The following ARHGAP5 variants were observed in gnomAD, a reference collection of about 807,000 sequenced individuals.
The protein encoded by ARHGAP5 is rho GTPase-activating protein 5.
In ARHGAP5, 23 loss-of-function variants were observed where a neutral mutation model predicts 116.6. The observed-to-expected ratio is 0.20, with a 90% confidence interval of 0.14 to 0.28. The LOEUF (loss-of-function observed/expected upper bound fraction) is 0.28. ARHGAP5 is among the 10% of genes least tolerant of loss of function. ARHGAP5 has a pLI of 1.00. For missense variants in ARHGAP5, 1,405 were observed against 1,774.8 expected, an observed-to-expected ratio of 0.79 and a Z score of 3.74; for synonymous variants, 574 against 602.0, an observed-to-expected ratio of 0.95 and a Z score of 0.68.
chr14:32,130,261 G>C (rs953188644), intron 3 of ARHGAP5, among the ~76,000 whole-genome samples: 1 of 147,538 alleles, frequency 6.8e-6, no homozygotes, highest in Non-Finnish European at 1.5e-5. Flanking sequence ...CCCCAGGCTG[G>C]AGTGTAGTGG....
rs143497372 is a variant in ARHGAP5 at position 32,090,918 on chromosome 14, A to C, written c.249A>C (p.Glu83Asp). 2 of 1,613,562 alleles carry C rather than the reference A, an allele frequency of 1.2e-6. No individual in the cohort carries two copies. The highest frequency in any genetic ancestry group is 2.7e-5 in the African/African-American group (2 of 74,904). The change falls in exon 2 of 7, where the codon GAA becomes GAC. Residue 83 changes from glutamate to aspartate, a missense_variant. Glu to Asp is a conservative substitution (Grantham distance 45, BLOSUM62 2). Around this residue, in one of 6 missense-constraint regions of ARHGAP5, gnomAD observed 190 missense variants for 314.9 expected, o/e 0.60. Transcript: ENST00000345122. Reference protein sequence around the residue: ...LYWGDIIQNSEDGVECKIHVI... With the variant: ...LYWGDIIQNSDDGVECKIHVI... ...GGGGTGACATAATACAAAATAGTGAAGATGGAGTAGAATGCAAAATTCATG... is the reference window on the plus strand; with the variant it reads ...GGGGTGACATAATACAAAATAGTGACGATGGAGTAGAATGCAAAATTCATG...
chr14:32,111,744 CTT>C (rs1879311049), intron 2 of ARHGAP5, among the ~76,000 whole-genome samples: 1 of 150,500 alleles, frequency 6.6e-6, no homozygotes, highest in Admixed American at 6.6e-5. Flanking sequence ...TATATTGAAT[CTT>C]TTATTTGCTA....
chr14:32,143,353 C>T (rs1192729869), intron 3 of ARHGAP5, among the ~76,000 whole-genome samples: 1 of 152,062 alleles, frequency 6.6e-6, no homozygotes, highest in Non-Finnish European at 1.5e-5. Flanking sequence ...AGCAATTCTT[C>T]TGCCTCAGCT....
At chr14:32,130,971 G>A (rs1171386924) in intron 3 of ARHGAP5, among the ~76,000 whole-genome samples, 1 of 152,202 alleles carries the variant, frequency 6.6e-6, no homozygotes, top group Non-Finnish European at 1.5e-5. Flanking sequence ...TTGGGAGGCT[G>A]GTGGGAGGTG....
chr14:32,115,234 G>A (rs1594365254), intron 2 of ARHGAP5, among the ~76,000 whole-genome samples: 2 of 152,164 alleles, frequency 1.3e-5, no homozygotes, highest in South Asian at 2.1e-4. Flanking sequence ...TTTTTGAGAT[G>A]TTCATTCTTT....
intron 3 of ARHGAP5, among the ~76,000 whole-genome samples, chr14:32,122,713 TG>T (rs1879949250): frequency 6.6e-6 from 1 of 152,204 alleles, no homozygotes; most frequent in Non-Finnish European, 1.5e-5. Flanking sequence ...GGTTCCAGCT[TG>T]ATTCTTTTGC....
At chr14:32,110,356 G>T (rs1879230188) in intron 2 of ARHGAP5, among the ~76,000 whole-genome samples, 1 of 151,550 alleles carries the variant, frequency 6.6e-6, no homozygotes, top group African/African-American at 2.4e-5. Context: ...ATGGGATCTT[G>T]CTGTGTTGCC....
intron 1 of ARHGAP5, among the ~76,000 whole-genome samples, chr14:32,081,952 G>A (rs903110569): frequency 2.0e-5 from 3 of 152,134 alleles, no homozygotes; most frequent in Non-Finnish European, 2.9e-5. Flanking sequence ...GTTTTTTCAC[G>A]GAACCGGGGG....
At chr14:32,133,649 C>G (rs957689350) in intron 3 of ARHGAP5, among the ~76,000 whole-genome samples, 4 of 152,154 alleles carry the variant, frequency 2.6e-5, no homozygotes, top group African/African-American at 9.7e-5. Flanking sequence ...GAGGGCATCC[C>G]TGTCTTGTGC....
chr14:32,080,238 C>G (rs1458400658), intron 1 of ARHGAP5, among the ~76,000 whole-genome samples: 1 of 151,160 alleles, frequency 6.6e-6, no homozygotes, highest in Non-Finnish European at 1.5e-5. Context: ...GACAACCCAC[C>G]CTCCCAAACC....
chr14:32,143,236 G>GTTATTATTATTATTATTATTATTA (rs765079635), intron 3 of ARHGAP5, among the ~76,000 whole-genome samples: 1 of 143,566 alleles, frequency 7.0e-6, no homozygotes, highest in African/African-American at 2.8e-5. Context: ...TGTTGTTGTT[G>GTTATTATTATTATTATTATTATTA]TTGTTATTAT....
Position 32,154,646 on chromosome 14 carries a change from C to T in ARHGAP5, c.4207C>T (p.Leu1403=), listed in dbSNP as rs772509907. The T allele has an allele frequency of 5.0e-6, 8 of 1,610,550 alleles. No individual in the cohort carries two copies. The highest frequency in any genetic ancestry group is 1.3e-5 in the African/African-American group (1 of 74,906). The change falls in exon 7 of 7, where the codon CTA becomes TTA. Residue 1403 remains leucine, a synonymous_variant. Transcript: ENST00000345122. ...GGTTAGTCAGCAACATAAAATCAAC[C>T]TAATGACAGCAGACAACTTATCCAT... ...NRVSQQHKIN[L]MTADNLSICF...
At chr14:32,133,220 A>G (rs1345411421) in intron 3 of ARHGAP5, among the ~76,000 whole-genome samples, 1 of 152,336 alleles carries the variant, frequency 6.6e-6, no homozygotes, top group East Asian at 1.9e-4. Flanking sequence ...ACCCATGAGC[A>G]TGGAATGTTC....
chr14:32,100,512 T>TA (rs1878743919), intron 2 of ARHGAP5, among the ~76,000 whole-genome samples: 1 of 152,136 alleles, frequency 6.6e-6, no homozygotes, highest in Non-Finnish European at 1.5e-5. Context: ...AATACAAATT[T>TA]AAAAAACAGC....
chr14:32,154,970 G>A lies in ARHGAP5; in HGVS notation c.*22G>A, dbSNP rs891175036. ...ATGAGTAGGAAGTGATTGCAAACAG[G>A]CTGGATTTGGACAAAAAGCAAATCT... is the stretch of plus-strand genomic sequence containing the variant. On this transcript the variant is annotated 3_prime_UTR_variant, in exon 7 of 7. Coordinates refer to ENST00000345122, the MANE Select transcript of ARHGAP5 (RefSeq NM_001030055.2). 1 of 1,594,566 alleles carries A rather than the reference G, an allele frequency of 6.3e-7. No individual in the cohort carries two copies. The highest frequency in any genetic ancestry group is 1.3e-5 in the African/African-American group (1 of 74,328).
In ARHGAP5 at chr14:32,092,639, G is replaced by C. The variant is rs1263369976; in HGVS notation, c.1970G>C (p.Gly657Ala). ...QLWTAAFKPH[G>A]CFCVFNSIES... Reference sequence around the variant, plus strand: ...TGGACTGCCGCCTTTAAACCACATGGGTGCTTCTGTGTATTTAATTCCATT... The same window carrying C: ...TGGACTGCCGCCTTTAAACCACATGCGTGCTTCTGTGTATTTAATTCCATT... Residue 657 changes from glycine to alanine, a missense_variant, in exon 2 of 7, where the codon GGG becomes GCG. Gly to Ala is a moderately conservative substitution (Grantham distance 60). Coordinates refer to ENST00000345122, the MANE Select transcript of ARHGAP5 (RefSeq NM_001030055.2). The surrounding 1 kb of genome is among the most constrained non-coding windows in gnomAD (Gnocchi z 4.1). The C allele has an allele frequency of 2.5e-6, 4 of 1,613,698 alleles. No homozygotes were observed. The highest frequency in any genetic ancestry group is 3.4e-6 in the Non-Finnish European group (4 of 1,179,872).
At chr14:32,131,405 A>G (rs760235357) in intron 3 of ARHGAP5, among the ~76,000 whole-genome samples, 5 of 152,154 alleles carry the variant, frequency 3.3e-5, no homozygotes, top group Admixed American at 1.3e-4. Flanking sequence ...TTTGAAATAT[A>G]CATTTCAGTA....
intron 3 of ARHGAP5, among the ~76,000 whole-genome samples, chr14:32,125,265 G>A (rs766639870): frequency 6.6e-6 from 1 of 152,100 alleles, no homozygotes; most frequent in Non-Finnish European, 1.5e-5. Context: ...ATCACACAAT[G>A]TATGACCTTT....
Position 32,092,122 on chromosome 14 carries a change from A to C in ARHGAP5, c.1453A>C (p.Lys485Gln). ...YGRHQREIVE[K>Q]AKEEFQEMLF... ...TAGGCATCAGCGAGAAATAGTTGAA[A>C]AAGCCAAAGAAGAGTTTCAAGAAAT... Residue 485 changes from lysine (K) to glutamine (Q), a missense_variant, in exon 2 of 7, where the codon AAA (lysine) becomes CAA (glutamine). Transcript: ENST00000345122. The surrounding 1 kb of genome is among the most constrained non-coding windows in gnomAD (Gnocchi z 4.1). 1 of 1,613,918 alleles carries C rather than the reference A, an allele frequency of 6.2e-7. No individual in the cohort carries two copies. Among genetic ancestry groups the C allele is most frequent in the Middle Eastern group, 1.6e-4 (1 of 6,062 alleles).
Sources: gnomAD v4.1 joint callset for allele counts (sites outside exome capture counted in the v4.1 genomes callset) on GRCh38, gnomAD v4.1.1 for gene constraint, gnomAD v4.1.1 regional missense constraint, Gnocchi (gnomAD v3.1) non-coding constraint, MANE v1.5 for transcripts, NCBI Gene and HGNC (gene_info 2026-07-23, HGNC 2026-07-21) for gene names.